Variants in PYROXD2 observed in about 807,000 individuals in gnomAD.
PYROXD2 encodes pyridine nucleotide-disulfide oxidoreductase domain-containing protein 2.
Under a neutral mutation model 71.1 loss-of-function variants are expected in PYROXD2, and 69 were observed. The observed-to-expected ratio is 0.97, with a 90% CI of 0.80 to 1.19. The LOEUF is 1.19. PYROXD2 is among the 50% of genes most tolerant of loss of function. The probability of loss-of-function intolerance (pLI) is 0.00; values close to 1 mark genes in which losing one functional copy is unlikely to be tolerated. For missense variants in PYROXD2, 745 were observed against 748.9 expected, an observed-to-expected ratio of 0.99 and a Z score of 0.06; for synonymous variants, 287 against 302.7, an observed-to-expected ratio of 0.95 and a Z score of 0.54.
In PYROXD2 at chr10:98,385,585, A is replaced by T. The variant is rs575160060; in HGVS notation, c.1555-518T>A. On this transcript the variant is annotated intron_variant, in intron 14 of 15. Transcript: ENST00000370575. ...GAAGGGAGGCAGCATGGGACAAGCG[A>T]AGGTCAGACTCAGGGGGCAGGTCTG... Among the ~76,000 whole-genome samples the T allele has an allele frequency of 1.3e-4, 20 of 152,300 alleles. 1 individual carries two copies. The South Asian group carries it at 4.1e-3, about 32-fold the overall frequency.
chr10:98,405,076 C>T (rs1288590978), intron 4 of PYROXD2, among the ~76,000 whole-genome samples: 2 of 152,108 alleles, frequency 1.3e-5, no homozygotes, highest in Non-Finnish European at 2.9e-5. Flanking sequence ...TGGCTTATGG[C>T]TGAAGGGGAT....
intron 8 of PYROXD2, among the ~76,000 whole-genome samples, chr10:98,394,065 G>A (rs927617302): frequency 2.6e-5 from 4 of 152,198 alleles, no homozygotes; most frequent in South Asian, 2.1e-4. Context: ...GCTGTGTCCC[G>A]GCTGCTCCTC....
intron 4 of PYROXD2, among the ~76,000 whole-genome samples, chr10:98,406,891 C>CCA (rs1843615545): frequency 4.1e-5 from 3 of 73,110 alleles, no homozygotes; most frequent in African/African-American, 1.7e-4. Flanking sequence ...GACTCCGTCC[C>CCA]AAAAAAAAAA....
chr10:98,409,064 T>A (rs568309171), intron 2 of PYROXD2, among the ~76,000 whole-genome samples: 3 of 152,314 alleles, frequency 2.0e-5, no homozygotes, highest in Admixed American at 2.0e-4. Flanking sequence ...ACAGCAGCTG[T>A]CACTCAGTGG....
Position 98,395,189 on chromosome 10 carries a change from C to T in PYROXD2, c.785+7G>A, listed in dbSNP as rs753285885. The T allele has an allele frequency of 1.2e-6, 2 of 1,612,500 alleles. No individual in the cohort carries two copies. Among genetic ancestry groups the T allele is most frequent in the Non-Finnish European group, 8.5e-7 (1 of 1,178,614 alleles). On this transcript the variant is annotated splice_region_variant and intron_variant, in intron 8 of 15. Coordinates refer to ENST00000370575, the MANE Select transcript of PYROXD2 (RefSeq NM_032709.3). ...CTCCTGTGTCCCACCTCACCCCCCT[C>T]ACTCACCCACTCCCCGGAGTGTGGG...
chr10:98,387,334 G>T, intron 13 of PYROXD2, 27 bp from the exon 14 acceptor site: 1 of 1,556,388 alleles, frequency 6.4e-7, no homozygotes, highest in Non-Finnish European at 8.9e-7. Context: ...AGAGAAATGA[G>T]ATGGTGTTAG....
chr10:98,395,305 A>G lies in PYROXD2; in HGVS notation c.688-12T>C, dbSNP rs746202976. The stretch of plus-strand genomic sequence containing the variant: ...CACTGATCCAGCACCTGGACAGCAC[A>G]ACAGCAGAGAGAAGGGCTTAGGAGC... On this transcript the variant is annotated splice_polypyrimidine_tract_variant and intron_variant, in intron 7 of 15. Transcript: ENST00000370575. 1 of 1,614,166 alleles carries G rather than the reference A, an allele frequency of 6.2e-7. No individual in the cohort carries two copies. The highest frequency in any genetic ancestry group is 8.5e-7 in the Non-Finnish European group (1 of 1,179,990).
chr10:98,405,430 A>G (rs1590969865), intron 4 of PYROXD2, among the ~76,000 whole-genome samples: 1 of 152,220 alleles, frequency 6.6e-6, no homozygotes, highest in South Asian at 2.1e-4. Context: ...AGTAGTCTCC[A>G]GCCATGGGTC....
intron 2 of PYROXD2, among the ~76,000 whole-genome samples, chr10:98,409,467 G>A (rs946749724): frequency 6.6e-6 from 1 of 152,184 alleles, no homozygotes; most frequent in Non-Finnish European, 1.5e-5. Flanking sequence ...GAGGCAACCC[G>A]AGGTTCCCCT....
intron 4 of PYROXD2, among the ~76,000 whole-genome samples, chr10:98,401,652 T>C (rs1373321197): frequency 1.3e-5 from 2 of 152,204 alleles, no homozygotes; most frequent in Non-Finnish European, 2.9e-5. Context: ...TTTTCTGTTT[T>C]TAAAATTTTT....
intron 4 of PYROXD2, among the ~76,000 whole-genome samples, chr10:98,406,973 G>A (rs1206914074): frequency 6.7e-6 from 1 of 150,216 alleles, no homozygotes; most frequent in African/African-American, 2.4e-5. Context: ...TCTGAGTGGT[G>A]AGTGACAGTG....
intron 5 of PYROXD2, among the ~76,000 whole-genome samples, chr10:98,397,846 A>G (rs1157240461): frequency 6.9e-6 from 1 of 145,290 alleles, no homozygotes; most frequent in African/African-American, 2.5e-5. Flanking sequence ...TCATGAAACC[A>G]CTTAGAAGTT....
At position 98,395,421 on chromosome 10, in the gene PYROXD2, A is replaced by G; in HGVS notation, c.657T>C (p.Tyr219=). 1.2e-6 allele frequency: 2 copies of G among 1,614,198 alleles called. No individual in the cohort carries two copies. Among genetic ancestry groups the G allele is most frequent in the African/African-American group, 1.3e-5 (1 of 75,060 alleles). Residue 219 remains tyrosine (Y), a synonymous_variant, in exon 7 of 16, where the codon TAT becomes TAC. Transcript: ENST00000370575. ...GRILGAQLPR[Y]YEVLTAPITK... ...TAATGGGAGCTGTGAGGACCTCATAATATCGGGGAAGCTGGGCTCCCAGGA... is the reference window on the plus strand; with the variant it reads ...TAATGGGAGCTGTGAGGACCTCATAGTATCGGGGAAGCTGGGCTCCCAGGA...
At chr10:98,393,224 TCAAG>T in intron 8 of PYROXD2, 141 bp from the exon 9 acceptor site, 2 of 664,298 alleles carry the variant, frequency 3.0e-6, no homozygotes, top group Non-Finnish European at 5.0e-6. Flanking sequence ...TTCAATGAGC[TCAAG>T]TTCTTGTAAG....
chr10:98,392,462 C>T lies in PYROXD2; in HGVS notation c.1032G>A (p.Pro344=), dbSNP rs1206731781. 1.1e-5 allele frequency: 17 copies of T among 1,613,814 alleles called. No homozygotes were observed. The highest frequency in any genetic ancestry group is 1.4e-5 in the Non-Finnish European group (16 of 1,180,018). Residue 344 remains proline (P), a synonymous_variant, in exon 10 of 16, where the codon CCG becomes CCA. Coordinates refer to ENST00000370575, the MANE Select transcript of PYROXD2 (RefSeq NM_032709.3). ...GCGTCAGCTTCAGGAAGGTGATCTG[C>T]GGTGATGTGTTGGACAGCACCATTT... ...RSKMVLSNTS[P]QITFLKLTPQ...
chr10:98,386,674 C>T (rs1842764441), intron 14 of PYROXD2, among the ~76,000 whole-genome samples: 2 of 152,026 alleles, frequency 1.3e-5, no homozygotes, highest in African/African-American at 4.8e-5. Flanking sequence ...TTTCAGCTTC[C>T]TGGGTAGCTG....
intron 5 of PYROXD2, among the ~76,000 whole-genome samples, chr10:98,398,755 G>A (rs78907233): frequency 0.017 from 2,602 of 152,278 alleles, 82 homozygotes; most frequent in African/African-American, 0.059. Flanking sequence ...GTGCCTCTGA[G>A]ATGGGTAGGA....
At chr10:98,403,402 C>T (rs548119315) in intron 4 of PYROXD2, among the ~76,000 whole-genome samples, 12 of 152,326 alleles carry the variant, frequency 7.9e-5, no homozygotes, top group South Asian at 2.1e-4. Context: ...CCTCCGAGTC[C>T]TCACCAGCCA....
rs771795081 is a variant in PYROXD2, at chr10:98,392,481, A to T, written c.1013T>A (p.Val338Glu). 6.2e-7 allele frequency: 1 copy of T among 1,613,874 alleles called. No homozygotes were observed. Among genetic ancestry groups the T allele is most frequent in the Admixed American group, 1.7e-5 (1 of 60,018 alleles). Residue 338 changes from valine to glutamate, a missense_variant, in exon 10 of 16, where the codon GTG becomes GAG. Coordinates refer to ENST00000370575, the MANE Select transcript of PYROXD2 (RefSeq NM_032709.3). Reference sequence around the variant, plus strand: ...GATCTGCGGTGATGTGTTGGACAGCACCATTTTGCTTCTCACCTCTGTGCC... The same window carrying T: ...GATCTGCGGTGATGTGTTGGACAGCTCCATTTTGCTTCTCACCTCTGTGCC... ...EDGTEVRSKMVLSNTSPQITF... is the reference protein window; with the variant it reads ...EDGTEVRSKMELSNTSPQITF...
Sources: gnomAD v4.1 joint callset for allele counts (sites outside exome capture counted in the v4.1 genomes callset) on GRCh38, gnomAD v4.1.1 for gene constraint, MANE v1.5 for transcripts, NCBI Gene and HGNC (gene_info 2026-07-23, HGNC 2026-07-21) for gene names.